IARS2: variants seen among roughly 807,000 people sequenced by gnomAD.
The protein encoded by IARS2 is isoleucine--tRNA ligase, mitochondrial.
A neutral mutation model predicts 126.3 loss-of-function variants in IARS2; 56 were observed. The observed-to-expected ratio is 0.44, with a 90% CI of 0.36 to 0.55. The LOEUF is 0.55. Ranked by LOEUF, IARS2 falls within the 20% of genes least tolerant of loss-of-function variation. The pLI, the probability that IARS2 is intolerant of heterozygous loss-of-function variation, is 0.00. For missense variants in IARS2, 1,127 were observed against 1,245.9 expected, an observed-to-expected ratio of 0.90 and a Z score of 1.44; for synonymous variants, 407 against 441.1, an observed-to-expected ratio of 0.92 and a Z score of 0.97.
Position 220,103,532 on chromosome 1 carries a change from A to G in IARS2, c.1036A>G (p.Thr346Ala). 1.2e-6 allele frequency: 2 copies of G among 1,612,076 alleles called. No individual in the cohort carries two copies. Among genetic ancestry groups the G allele is most frequent in the South Asian group, 2.2e-5 (2 of 91,014 alleles). Residue 346 changes from threonine to alanine, a missense_variant, in exon 8 of 23, where the codon ACA becomes GCA. By Grantham distance (58) the Thr-to-Ala change is moderately conservative (BLOSUM62 0). Coordinates refer to ENST00000366922, the MANE Select transcript of IARS2 (RefSeq NM_018060.4). Reference protein sequence around the residue: ...KVASVASTLETTFETISTLSG... With the variant: ...KVASVASTLEATFETISTLSG... ...AGCATCTGTTGCTTCTACTTTGGAA[A>G]CAACATTTGAGACTATTTCAACACT...
chr1:220,100,502 A>G lies in IARS2; in HGVS notation c.403A>G (p.Ile135Val), dbSNP rs764807983. 6 of 1,608,914 alleles carry G rather than the reference A, an allele frequency of 3.7e-6. No individual in the cohort carries two copies. Among genetic ancestry groups the G allele is most frequent in the South Asian group, 2.2e-5 (2 of 89,744 alleles). The change falls in exon 3 of 23, where the codon ATA (isoleucine) becomes GTA (valine). Residue 135 changes from isoleucine (I) to valine (V), a missense_variant. Coordinates refer to ENST00000366922, the MANE Select transcript of IARS2 (RefSeq NM_018060.4). Reference protein sequence around the residue: ...GHALNKILKDIANRFHMMNGS... With the variant: ...GHALNKILKDVANRFHMMNGS... ...TTTATCTTTGCAGATTTTGAAAGAC[A>G]TAGCCAATCGATTCCATATGATGAA...
Position 220,122,442 on chromosome 1 carries a change from G to GAGTA in IARS2, c.1641-2792_1641-2789dup, listed in dbSNP as rs1657069003. 2.0e-5 allele frequency among the ~76,000 whole-genome samples: 3 copies of GAGTA among 152,304 alleles called. No individual in the cohort carries two copies. In the South Asian group the frequency reaches 6.2e-4, roughly 32 times the overall value. The stretch of plus-strand genomic sequence containing the variant: ...CTGCCATTGCTTAGCAAACTCCAGA[G>GAGTA]AGTAAGAGTGTGAATTCAGTTACAG... On this transcript the variant is annotated intron_variant, in intron 12 of 22. Coordinates refer to ENST00000366922, the MANE Select transcript of IARS2 (RefSeq NM_018060.4).
At chr1:220,098,576 A>G (rs755531962) in intron 2 of IARS2, among the ~76,000 whole-genome samples, 2 of 152,172 alleles carry the variant, frequency 1.3e-5, no homozygotes, top group Non-Finnish European at 2.9e-5. Context: ...GTTTACTACT[A>G]TATTCTAGGT....
At chr1:220,140,387 C>A in intron 19 of IARS2, 98 bp downstream of exon 19, 1 of 723,522 alleles carries the variant, frequency 1.4e-6, no homozygotes, top group Non-Finnish European at 2.4e-6. Flanking sequence ...GGGTGGATGA[C>A]ATGAGGCCAG....
chr1:220,140,026 AT>A (rs1657454154), intron 18 of IARS2, among the ~76,000 whole-genome samples, 156 bp from the exon 19 acceptor site: 1 of 152,200 alleles, frequency 6.6e-6, no homozygotes, highest in Non-Finnish European at 1.5e-5. Flanking sequence ...TTATCCAGAA[AT>A]GACATTTGGA....
chr1:220,124,385 A>G (rs1657110006), intron 12 of IARS2, among the ~76,000 whole-genome samples: 2 of 152,176 alleles, frequency 1.3e-5, no homozygotes, highest in Admixed American at 6.5e-5. Context: ...TTTTACATGT[A>G]TAGTCTCATT....
intron 19 of IARS2, among the ~76,000 whole-genome samples, chr1:220,140,844 C>T (rs1249915268): frequency 6.6e-6 from 1 of 151,852 alleles, no homozygotes; most frequent in Non-Finnish European, 1.5e-5. Context: ...ATTAGCTGGG[C>T]GTGGTGGCGG....
chr1:220,117,815 C>T (rs767003448), intron 12 of IARS2: 1 of 506,734 alleles, frequency 2.0e-6, no homozygotes, highest in South Asian at 1.5e-5. Context: ...GTGTACCTGC[C>T]ATTGCGTTGG....
chr1:220,102,412 G>A lies in IARS2; in HGVS notation c.749G>A (p.Arg250Lys). The change falls in exon 5 of 23, where the codon AGG becomes AAG. Residue 250 changes from arginine to lysine, a missense_variant and splice_region_variant. By Grantham distance (26) the Arg-to-Lys change is conservative. Transcript: ENST00000366922. ...CCTGTGTTTTGGTCTCCGTCATCTA[G>A]GTATATATGCATTTTTCGGTAATTA... ...YKPVFWSPSS[R>K]TALAEAELEY... 1.2e-6 allele frequency: 2 copies of A among 1,613,614 alleles called. No individual in the cohort carries two copies. The highest frequency in any genetic ancestry group is 2.2e-5 in the East Asian group (1 of 44,860).
Position 220,094,483 on chromosome 1 carries a change from G to C in IARS2, c.267G>C (p.Gln89His). ...CGGACACGGAGCTGGAGATCCAGCA[G>C]GTACGGGCCCCGCCTCGGCGCGGGG... ...QQPDTELEIQ[Q>H]KCGFSELYSW... The change falls in exon 1 of 23, where the codon CAG becomes CAC. Residue 89 changes from glutamine (Q) to histidine (H), a missense_variant and splice_region_variant. Transcript: ENST00000366922. 1 of 1,599,366 alleles carries C rather than the reference G, an allele frequency of 6.3e-7. No homozygotes were observed. Among genetic ancestry groups the C allele is most frequent in the Non-Finnish European group, 8.5e-7 (1 of 1,173,740 alleles).
chr1:220,147,447 C>G (rs1410645801), intron 22 of IARS2, 46 bp from the exon 23 acceptor site: 11 of 1,585,398 alleles, frequency 6.9e-6, no homozygotes, highest in African/African-American at 1.3e-5. Context: ...AACAGTGTTA[C>G]AAGTTGAATG....
chr1:220,111,592 A>ATG (rs1350385735), intron 11 of IARS2, among the ~76,000 whole-genome samples: 18 of 141,010 alleles, frequency 1.3e-4, no homozygotes, highest in African/African-American at 4.9e-4. Flanking sequence ...ATATATATAT[A>ATG]TATATATGTG....
intron 11 of IARS2, 146 bp downstream of exon 11, chr1:220,111,083 C>G: frequency 6.7e-6 from 5 of 744,458 alleles, no homozygotes; most frequent in Non-Finnish European, 1.0e-5. Context: ...AATTTTAGAT[C>G]TGGAAGGACC....
intron 11 of IARS2, among the ~76,000 whole-genome samples, 189 bp from the exon 12 acceptor site, chr1:220,114,125 T>G (rs1656867642): frequency 6.6e-6 from 1 of 152,228 alleles, no homozygotes; most frequent in Admixed American, 6.5e-5. Flanking sequence ...TCTTCGCGGC[T>G]CCATTTTTAC....
In IARS2 at chr1:220,096,361, A is replaced by G. The variant is rs1238705096; in HGVS notation, c.390+135A>G. ...AAACTAAAACATTTTCATAGAAAGCAATATACAATTTTAGTACTGCATAAA... is the reference window on the plus strand; with the variant it reads ...AAACTAAAACATTTTCATAGAAAGCGATATACAATTTTAGTACTGCATAAA... On this transcript the variant is annotated intron_variant, in intron 2 of 22. Transcript: ENST00000366922. 4 of 659,878 alleles carry G rather than the reference A, an allele frequency of 6.1e-6. No homozygotes were observed. In the African/African-American group the frequency reaches 7.3e-5, roughly 12 times the overall value. 40.9% of individuals were successfully genotyped at this position (659,878 alleles called of 1,614,324 possible).
At position 220,147,916 on chromosome 1, in the gene IARS2, C is replaced by G. The variant is rs1484883081; in HGVS notation, c.*281C>G. 2.4e-6 allele frequency: 1 copy of G among 412,664 alleles called. No homozygotes were observed. Among genetic ancestry groups the G allele is most frequent in the Non-Finnish European group, 4.3e-6 (1 of 233,578 alleles). 25.6% of individuals were successfully genotyped at this position (412,664 alleles called of 1,614,324 possible). A position where few individuals can be genotyped will look rare whatever the true frequency, so the allele number is the denominator to read the frequency against. On this transcript the variant is annotated 3_prime_UTR_variant, in exon 23 of 23. Transcript: ENST00000366922. ...ATATCCATAGTGGACTTATTCAGAA[C>G]ATAGATATGTATTCAGCTTGTCTTC...
chr1:220,125,182 T>C, intron 12 of IARS2, 55 bp from the exon 13 acceptor site: 2 of 981,446 alleles, frequency 2.0e-6, no homozygotes, highest in South Asian at 3.8e-5. Flanking sequence ...TTAAAATGTT[T>C]GTTATTCATC....
chr1:220,138,495 AATTT>A (rs1430635204), intron 17 of IARS2, among the ~76,000 whole-genome samples: 9 of 152,016 alleles, frequency 5.9e-5, no homozygotes, highest in African/African-American at 1.9e-4. Context: ...CTCCTGTGTA[AATTT>A]ATTTGTTTCA....
In IARS2 at chr1:220,095,508, T is replaced by C. The variant is rs568255351; in HGVS notation, c.268-596T>C. 2.0e-5 allele frequency among the ~76,000 whole-genome samples: 3 copies of C among 152,382 alleles called. No individual in the cohort carries two copies. In the East Asian group the frequency reaches 5.8e-4, roughly 29 times the overall value. On this transcript the variant is annotated intron_variant, in intron 1 of 22. Transcript: ENST00000366922. ...TAAAGGTTTTTTAGTCAATACCTTCTGTATGCCAGAAAGAGTGACAGTTTC... is the reference window on the plus strand; with the variant it reads ...TAAAGGTTTTTTAGTCAATACCTTCCGTATGCCAGAAAGAGTGACAGTTTC...
Sources: gnomAD v4.1 joint callset for allele counts (sites outside exome capture counted in the v4.1 genomes callset) on GRCh38, gnomAD v4.1.1 for gene constraint, MANE v1.5 for transcripts, NCBI Gene and HGNC (gene_info 2026-07-23, HGNC 2026-07-21) for gene names.